Variants in NRXN3 observed in about 807,000 individuals in gnomAD.
NRXN3 encodes the protein neurexin 3.
In NRXN3, 32 loss-of-function variants were observed where a neutral mutation model predicts 137.6. That is an observed-to-expected ratio of 0.23 (90% CI 0.18 to 0.31). The LOEUF (loss-of-function observed/expected upper bound fraction) is 0.31, where lower values mean the gene tolerates loss of function less well. Ranked by LOEUF, NRXN3 falls within the 10% of genes least tolerant of loss-of-function variation. NRXN3 has a pLI of 1.00. For missense variants in NRXN3, 1,574 were observed against 2,062.5 expected (o/e 0.76, Z 4.59); for synonymous variants, 798 against 784.5 (o/e 1.02, Z -0.29).
chr14:79,014,186 G>A (rs950836477), intron 15 of NRXN3, among the ~76,000 whole-genome samples: 1 of 152,092 alleles, frequency 6.6e-6, no homozygotes, highest in Non-Finnish European at 1.5e-5. Flanking sequence ...CAGGGATTTG[G>A]CATACAGATT....
Position 79,185,104 on chromosome 14 carries a change from T to C in NRXN3, c.3262+196963T>C, listed in dbSNP as rs188821357. 2.1e-3 allele frequency among the ~76,000 whole-genome samples: 316 copies of C among 152,362 alleles called. 2 individuals carry two copies. The highest frequency in any genetic ancestry group is 7.5e-3 in the African/African-American group (313 of 41,596). On this transcript the variant is annotated intron_variant, in intron 15 of 20. Transcript: ENST00000335750. ...TTAGTCCTTTTAAACATCATTTTCA[T>C]TCTAATAAGCTATTTTTTATTTCTA...
At chr14:79,361,857 G>A (rs1402670096) in intron 15 of NRXN3, among the ~76,000 whole-genome samples, 1 of 152,116 alleles carries the variant, frequency 6.6e-6, no homozygotes, top group African/African-American at 2.4e-5. Flanking sequence ...AGAATGGAAT[G>A]GGAGGGCTAA....
At chr14:78,759,178 T>A (rs184358984) in intron 8 of NRXN3, among the ~76,000 whole-genome samples, 81 of 152,300 alleles carry the variant, frequency 5.3e-4, no homozygotes, top group African/African-American at 1.9e-3. Flanking sequence ...CTGGGAAGAC[T>A]GAGGCAATGC....
intron 8 of NRXN3, among the ~76,000 whole-genome samples, chr14:78,776,550 A>G (rs1445284773): frequency 6.6e-6 from 1 of 152,208 alleles, no homozygotes; most frequent in Non-Finnish European, 1.5e-5. Flanking sequence ...CATTTGGCTC[A>G]GAATATAAAA....
chr14:79,004,051 G>A (rs1341304124), intron 15 of NRXN3, among the ~76,000 whole-genome samples: 2 of 152,152 alleles, frequency 1.3e-5, no homozygotes, highest in Non-Finnish European at 2.9e-5. Flanking sequence ...TAGGGAATTT[G>A]CACTTTCATA....
chr14:79,128,657 G>T (rs1334438671), intron 15 of NRXN3, among the ~76,000 whole-genome samples: 2 of 152,178 alleles, frequency 1.3e-5, no homozygotes, highest in African/African-American at 4.8e-5. Flanking sequence ...TTGTGTCTCT[G>T]CTGGGCTTTG....
chr14:79,320,192 A>G (rs1022171647), intron 15 of NRXN3, among the ~76,000 whole-genome samples: 11 of 152,210 alleles, frequency 7.2e-5, no homozygotes, highest in African/African-American at 2.7e-4. Context: ...CCTGTGTTCA[A>G]TAAAAACACG....
chr14:79,133,136 C>T (rs777166842), intron 15 of NRXN3, among the ~76,000 whole-genome samples: 7 of 152,212 alleles, frequency 4.6e-5, no homozygotes, highest in Non-Finnish European at 1.0e-4. Flanking sequence ...ACAGTGTCTA[C>T]TATACTAACA....
At chr14:78,831,757 A>G (rs1285504885) in intron 10 of NRXN3, among the ~76,000 whole-genome samples, 1 of 152,002 alleles carries the variant, frequency 6.6e-6, no homozygotes, top group East Asian at 1.9e-4. Context: ...AGTTTTTTTT[A>G]ATAAATAGTG....
chr14:79,477,091 G>T (rs1342341419), intron 16 of NRXN3, among the ~76,000 whole-genome samples: 1 of 151,658 alleles, frequency 6.6e-6, no homozygotes, highest in African/African-American at 2.4e-5. Flanking sequence ...TACCAAAGAA[G>T]GTAAAAATAC....
At chr14:78,261,435 G>C (rs1375592705) in intron 2 of NRXN3, among the ~76,000 whole-genome samples, 3 of 152,152 alleles carry the variant, frequency 2.0e-5, no homozygotes, top group African/African-American at 7.2e-5. Flanking sequence ...CTAGAACGAT[G>C]CTTGGGCTGG....
intron 10 of NRXN3, among the ~76,000 whole-genome samples, chr14:78,920,220 G>A (rs1039258498): frequency 1.3e-5 from 2 of 152,158 alleles, no homozygotes; most frequent in African/African-American, 4.8e-5. Flanking sequence ...GCCTGCCACA[G>A]TGGTAGAGGA....
At chr14:78,405,631 C>G (rs890168420) in intron 4 of NRXN3, among the ~76,000 whole-genome samples, 1 of 149,372 alleles carries the variant, frequency 6.7e-6, no homozygotes, top group Non-Finnish European at 1.5e-5. Flanking sequence ...TTCCGGGTAT[C>G]TGATGAATTC....
intron 2 of NRXN3, among the ~76,000 whole-genome samples, chr14:78,272,108 G>A (rs369803767): frequency 6.6e-5 from 10 of 152,122 alleles, no homozygotes; most frequent in Middle Eastern, 3.4e-3. Context: ...TTCTTCTAAT[G>A]TTATGGCTCA....
At chr14:79,072,468 C>A (rs935332091) in intron 15 of NRXN3, 1 of 152,060 alleles carries the variant, frequency 6.6e-6, no homozygotes, top group African/African-American at 2.4e-5. Flanking sequence ...AGGTTACGAA[C>A]CTCTGAACTT....
intron 8 of NRXN3, among the ~76,000 whole-genome samples, chr14:78,718,285 G>T (rs781637586): frequency 3.2e-4 from 49 of 152,072 alleles, no homozygotes; most frequent in Non-Finnish European, 6.8e-4. Context: ...AACTTCCTTG[G>T]GGGTGAGTCC....
Position 79,504,639 on chromosome 14 carries a change from T to TATATATATATATA in NRXN3, c.3444+37237_3444+37238insATATATATATATA, listed in dbSNP as rs60009832. Among the ~76,000 whole-genome samples, 849 of 93,142 alleles carry TATATATATATATA rather than the reference T, an allele frequency of 9.1e-3. 58 individuals carry two copies. Among genetic ancestry groups the TATATATATATATA allele is most frequent in the African/African-American group, 0.012 (279 of 24,054 alleles). 61.1% of individuals were successfully genotyped at this position (93,142 alleles called of 152,430 possible). ...TAAACTTCCATTATAAAATGAAGTT[T>TATATATATATATA]TTTATATATATATATGTATATATAT... On this transcript the variant is annotated intron_variant, in intron 16 of 20. Transcript: ENST00000335750.
rs154306 is a variant in NRXN3 at position 78,876,860 on chromosome 14, T to G, written c.2275+66516T>G. ...TTCCACATAAAAAGCACTCAATAAA[T>G]GTTAGCTATTATTACTGTTTTCAGT... On this transcript the variant is annotated intron_variant, in intron 10 of 20. Coordinates refer to ENST00000335750, the MANE Select transcript of NRXN3 (RefSeq NM_001330195.2). Among the ~76,000 whole-genome samples, 1,363 of 152,276 alleles carry G rather than the reference T, an allele frequency of 9.0e-3. 16 individuals are homozygous for G. Among genetic ancestry groups the G allele is most frequent in the African/African-American group, 0.032 (1,313 of 41,556 alleles).
intron 8 of NRXN3, among the ~76,000 whole-genome samples, chr14:78,775,141 C>A (rs1036508300): frequency 1.3e-5 from 2 of 152,154 alleles, no homozygotes; most frequent in Non-Finnish European, 2.9e-5. Flanking sequence ...TTTTATTCCA[C>A]CCCTAATGGG....
Sources: gnomAD v4.1 joint callset for allele counts (sites outside exome capture counted in the v4.1 genomes callset) on GRCh38, gnomAD v4.1.1 for gene constraint, MANE v1.5 for transcripts, NCBI Gene and HGNC (gene_info 2026-07-23, HGNC 2026-07-21) for gene names.